CLN8: variants seen among roughly 807,000 people sequenced by gnomAD.
CLN8 encodes the protein protein CLN8.
In CLN8, 14 loss-of-function variants were observed where a neutral mutation model predicts 15.7. The ratio of observed to expected loss-of-function variants is 0.89; its 90% CI spans 0.59 to 1.39. CLN8 has a LOEUF of 1.39. Among genes scored for constraint, CLN8 ranks in the 40% most tolerant of loss-of-function variants. The probability of loss-of-function intolerance (pLI) is 0.00; values close to 1 mark genes in which losing one functional copy is unlikely to be tolerated. For missense variants in CLN8, 415 were observed against 364.0 expected (o/e 1.14, Z -1.14); for synonymous variants, 188 against 151.0 (o/e 1.25, Z -1.80).
intron 2 of CLN8, chr8:1,773,579 C>T (rs1321673994): frequency 2.0e-5 from 3 of 152,248 alleles, no homozygotes; most frequent in Admixed American, 2.0e-4. Flanking sequence ...CCTGGGACCC[C>T]ATCAGCATCC....
chr8:1,760,890 G>T (rs1800777721), upstream of CLN8, among the ~76,000 whole-genome samples: 1 of 152,184 alleles, frequency 6.6e-6, no homozygotes, highest in African/African-American at 2.4e-5. Context: ...CAATGTAAAA[G>T]CCAAGCTACG....
chr8:1,781,991 A>G lies in CLN8; in HGVS notation c.*1424A>G, dbSNP rs1366165695. The G allele has an allele frequency of 6.7e-6, 1 of 148,920 alleles. No homozygotes were observed. Among genetic ancestry groups the G allele is most frequent in the African/African-American group, 2.5e-5 (1 of 40,572 alleles). 9.2% of individuals were successfully genotyped at this position (148,920 alleles called of 1,614,324 possible). On this transcript the variant is annotated 3_prime_UTR_variant, in exon 3 of 3. Coordinates refer to ENST00000331222, the MANE Select transcript of CLN8 (RefSeq NM_018941.4). ...TGTGTGTGTGTGTGTGAGTGTTTTG[A>G]TATAAACGTGCAATTAAAATTCAAA...
At position 1,768,927 on chromosome 8, in the gene CLN8, G is replaced by T. The variant is rs539243585; in HGVS notation, c.-123-2005G>T. Among the ~76,000 whole-genome samples, 544 of 152,280 alleles carry T rather than the reference G, an allele frequency of 3.6e-3. 4 individuals are homozygous for T. The highest frequency in any genetic ancestry group is 4.0e-3 in the Non-Finnish European group (269 of 68,014). ...TGATATATAGCATGACCAGAAGTGT[G>T]GGTCACGAGGGCACACATGGGCATG... On this transcript the variant is annotated intron_variant, in intron 1 of 2. Coordinates refer to ENST00000331222, the MANE Select transcript of CLN8 (RefSeq NM_018941.4).
upstream of CLN8, chr8:1,763,051 CAA>C (rs536749151): frequency 6.6e-6 from 1 of 152,194 alleles, no homozygotes; most frequent in East Asian, 1.9e-4. Context: ...CTCCTACAGA[CAA>C]AAACTCAGGT....
At chr8:1,756,761 C>T (rs1258314220) in intron 1 of CLN8, among the ~76,000 whole-genome samples, 1 of 149,072 alleles carries the variant, frequency 6.7e-6, no homozygotes, top group Non-Finnish European at 1.5e-5. Context: ...CTGCTCACTG[C>T]AACCTCTGCC....
Position 1,771,041 on chromosome 8 carries a change from T to C in CLN8, c.-14T>C, listed in dbSNP as rs2130989765. ...TGTTGGCCCCAGGACTCCTTTGGAA[T>C]ATAGCTGTGGACAATGAATCCTGCG... is the stretch of plus-strand genomic sequence containing the variant. On this transcript the variant is annotated 5_prime_UTR_variant, in exon 2 of 3. Transcript: ENST00000331222. 6.2e-7 allele frequency: 1 copy of C among 1,613,826 alleles called. No individual in the cohort carries two copies. Among genetic ancestry groups the C allele is most frequent in the African/African-American group, 1.3e-5 (1 of 75,008 alleles).
chr8:1,756,807 C>G (rs1800681045), intron 1 of CLN8, among the ~76,000 whole-genome samples: 1 of 151,740 alleles, frequency 6.6e-6, no homozygotes, highest in South Asian at 2.1e-4. Context: ...CTCAGCCTCC[C>G]AAGTAGCTAG....
At chr8:1,757,146 A>G (rs138029792) in intron 1 of CLN8, among the ~76,000 whole-genome samples, 100 of 152,274 alleles carry the variant, frequency 6.6e-4, no homozygotes, top group Admixed American at 9.8e-4. Context: ...TTTTAAGCGG[A>G]GGTGTGTCCT....
At chr8:1,779,634 C>T (rs922552479) in intron 2 of CLN8, among the ~76,000 whole-genome samples, 1 of 152,202 alleles carries the variant, frequency 6.6e-6, no homozygotes, top group Admixed American at 6.5e-5. Flanking sequence ...GCTGGAATAG[C>T]AGAAATTCCT....
At chr8:1,765,914 T>C (rs148344011) in intron 1 of CLN8, among the ~76,000 whole-genome samples, 69 of 152,362 alleles carry the variant, frequency 4.5e-4, no homozygotes, top group African/African-American at 1.6e-3. Context: ...GAAAAAAGCA[T>C]GCAACCTTTT....
At chr8:1,757,092 A>G (rs1220233234) in intron 1 of CLN8, among the ~76,000 whole-genome samples, 1 of 152,200 alleles carries the variant, frequency 6.6e-6, no homozygotes, top group African/African-American at 2.4e-5. Flanking sequence ...GGGGCAGCGG[A>G]AAGTCCACTT....
At chr8:1,772,685 G>T (rs928169127) in intron 2 of CLN8, among the ~76,000 whole-genome samples, 3 of 151,930 alleles carry the variant, frequency 2.0e-5, no homozygotes, top group Admixed American at 6.6e-5. Flanking sequence ...TCACTGTGTT[G>T]GCCAGGCTGG....
intron 1 of CLN8, among the ~76,000 whole-genome samples, chr8:1,758,036 C>A (rs1161394445): frequency 6.6e-6 from 1 of 151,988 alleles, no homozygotes; most frequent in Non-Finnish European, 1.5e-5. Context: ...GAAGTAACAC[C>A]CAGCATAGAG....
chr8:1,771,435 C>G lies in CLN8; in HGVS notation c.381C>G (p.Ile127Met), dbSNP rs1177176282. ...ENVAVHLSNL[I>M]FRTFDLFLVI... ...TTGCAGTCCACCTGTCCAACTTGAT[C>G]TTCCGGACATTTGACTTGTTTCTGG... The change falls in exon 2 of 3, where the codon ATC (isoleucine) becomes ATG (methionine). Residue 127 changes from isoleucine to methionine, a missense_variant. Transcript: ENST00000331222. 6.2e-7 allele frequency: 1 copy of G among 1,614,214 alleles called. No homozygotes were observed. The highest frequency in any genetic ancestry group is 8.5e-7 in the Non-Finnish European group (1 of 1,180,050).
At chr8:1,772,813 T>G in intron 2 of CLN8, 1 of 394,102 alleles carries the variant, frequency 2.5e-6, no homozygotes, top group Non-Finnish European at 4.5e-6. Context: ...CTTGCTATCT[T>G]TTATGACCCA....
chr8:1,770,713 G>T (rs1025511758), intron 1 of CLN8, among the ~76,000 whole-genome samples: 2 of 152,098 alleles, frequency 1.3e-5, no homozygotes, highest in East Asian at 3.9e-4. Context: ...GCACGGCTCC[G>T]GCCTCCTGTT....
At chr8:1,760,108 G>C (rs7460287), upstream of CLN8, 107,373 of 152,072 alleles carry the variant, frequency 0.71, 38,051 homozygotes, top group South Asian at 0.78. Flanking sequence ...TCATGGCATC[G>C]TACTTCAAAA....
chr8:1,775,192 T>C (rs1039524487), intron 2 of CLN8, among the ~76,000 whole-genome samples: 1 of 152,190 alleles, frequency 6.6e-6, no homozygotes, highest in Non-Finnish European at 1.5e-5. Flanking sequence ...CAATTTTATA[T>C]AGCATTTACA....
intron 2 of CLN8, among the ~76,000 whole-genome samples, chr8:1,772,508 G>T (rs1212663373): frequency 6.6e-6 from 1 of 152,028 alleles, no homozygotes; most frequent in East Asian, 1.9e-4. Context: ...GCCCAGGCTG[G>T]AGTGCAGTGG....
Sources: allele counts gnomAD v4.1 joint callset (sites outside exome capture counted in the v4.1 genomes callset), GRCh38; gene constraint gnomAD v4.1.1; transcripts MANE v1.5; gene names NCBI Gene and HGNC (gene_info 2026-07-23, HGNC 2026-07-21).